Variants in ARMCX4 observed in about 807,000 individuals in gnomAD.
ARMCX4 encodes the protein armadillo repeat containing X-linked 4, also known as armadillo repeat-containing X-linked protein 4.
A neutral mutation model predicts 34.7 loss-of-function variants in ARMCX4; 3 were observed. The observed-to-expected ratio is 0.09, with a 90% CI of 0.04 to 0.22. ARMCX4 has a LOEUF of 0.22. Among genes scored for constraint, ARMCX4 ranks in the 10% least tolerant of loss-of-function variants. The probability of loss-of-function intolerance (pLI) is 1.00; values close to 1 mark genes in which losing one functional copy is unlikely to be tolerated. For synonymous variants in ARMCX4, 513 were observed against 632.8 expected, an observed-to-expected ratio of 0.81 and a Z score of 2.84; for missense variants, 1,448 against 1,720.8, an observed-to-expected ratio of 0.84 and a Z score of 2.81.
At position 101,528,672 on chromosome X, in the gene ARMCX4, A is replaced by T. The variant is rs782029797; in HGVS notation, c.*1781-2972A>T. 2.7e-5 allele frequency among the ~76,000 whole-genome samples: 3 copies of T among 111,660 alleles called. No homozygotes were observed. The Admixed American group carries it at 2.9e-4, about 11-fold the overall frequency. On this transcript the variant is annotated intron_variant and NMD_transcript_variant, in intron 11 of 12. Coordinates refer to the ARMCX4 transcript ENST00000354842. Reference sequence around the variant, plus strand: ...AAATCAATGTGCAAAAATCATAAGCATTCCTATACACCAATAACAGACAAA... The same window carrying T: ...AAATCAATGTGCAAAAATCATAAGCTTTCCTATACACCAATAACAGACAAA...
chrX:101,452,070 T>C (rs1242453331), downstream of ARMCX4, among the ~76,000 whole-genome samples: 2 of 112,283 alleles, frequency 1.8e-5, no homozygotes, highest in Non-Finnish European at 3.8e-5. Context: ...TCTTTTTCTT[T>C]TAGGAAAGGT....
intron 4 of ARMCX4, among the ~76,000 whole-genome samples, chrX:101,462,638 C>CA (rs34826497): frequency 0.11 from 4,435 of 40,374 alleles, 173 homozygotes; most frequent in South Asian, 0.34. Context: ...GACTCTGTCT[C>CA]AAAAAAAAAA....
chrX:101,497,733 TTAAA>T (rs1259988971), downstream of ARMCX4, among the ~76,000 whole-genome samples: 1 of 112,109 alleles, frequency 8.9e-6, no homozygotes, highest in Non-Finnish European at 1.9e-5. Context: ...ACTTAAAATT[TTAAA>T]TAAATATTAT....
In ARMCX4 at chrX:101,488,457, G is replaced by A. The variant is rs1332694070; in HGVS notation, c.-133G>A. On this transcript the variant is annotated 5_prime_UTR_variant, in exon 6 of 6. Transcript: ENST00000423738. Reference sequence around the variant, plus strand: ...CTCCACTTCTAGGTCCACCTCCAGAGGCAGCTGTAGTGGCCTTTGAGTGGC... The same window carrying A: ...CTCCACTTCTAGGTCCACCTCCAGAAGCAGCTGTAGTGGCCTTTGAGTGGC... 9.0e-7 allele frequency: 1 copy of A among 1,109,681 alleles called. No homozygotes were observed. The highest frequency in any genetic ancestry group is 3.3e-5 in the East Asian group (1 of 30,328). The allele number at this position is 1,109,681 out of a possible 1,213,427, so 91.5% of individuals were successfully genotyped here.
chrX:101,426,218 G>A (rs1490239127), intron 2 of ARMCX4, among the ~76,000 whole-genome samples: 1 of 111,285 alleles, frequency 9.0e-6, no homozygotes, highest in African/African-American at 3.3e-5. Flanking sequence ...CAGAGAGATG[G>A]GATAAATCAT....
intron 2 of ARMCX4, among the ~76,000 whole-genome samples, chrX:101,433,383 T>G (rs904326777): frequency 1.9e-4 from 21 of 109,943 alleles, no homozygotes; most frequent in Admixed American, 2.9e-4. Flanking sequence ...TGTACATATA[T>G]GTACATATAT....
At chrX:101,463,971 T>G (rs943189308) in intron 4 of ARMCX4, among the ~76,000 whole-genome samples, 1 of 110,417 alleles carries the variant, frequency 9.1e-6, no homozygotes, top group African/African-American at 3.3e-5. Flanking sequence ...TTGCCCCGGC[T>G]GGTCTCCAAC....
intron 2 of ARMCX4, among the ~76,000 whole-genome samples, chrX:101,421,060 G>A (rs375309083): frequency 8.6e-4 from 94 of 109,581 alleles, no homozygotes; most frequent in African/African-American, 2.9e-3. Context: ...AAAGTTAGCC[G>A]GGCATGGTGG....
In ARMCX4 at chrX:101,425,550, T is replaced by G. The variant is rs1929555615; in HGVS notation, n.164+6550T>G. On this transcript the variant is annotated intron_variant and non_coding_transcript_variant, in intron 2 of 3. Transcript: ENST00000430461. Reference sequence around the variant, plus strand: ...CTGGGATTACAGGCGCACACCACCATGCCCGACTAATTTTTTGTATTTTTA... The same window carrying G: ...CTGGGATTACAGGCGCACACCACCAGGCCCGACTAATTTTTTGTATTTTTA... 2.7e-5 allele frequency among the ~76,000 whole-genome samples: 3 copies of G among 109,210 alleles called. No homozygotes were observed. In the South Asian group the frequency reaches 1.2e-3, roughly 43 times the overall value. The allele number at this position is 109,210 out of a possible 115,157, so 94.8% of individuals were successfully genotyped here. A position where few individuals can be genotyped will look rare whatever the true frequency, so the allele number is the denominator to read the frequency against.
chrX:101,472,372 G>T (rs1408678020), intron 4 of ARMCX4, among the ~76,000 whole-genome samples: 41 of 52,857 alleles, frequency 7.8e-4, no homozygotes, highest in African/African-American at 1.0e-3. Flanking sequence ...AACCAAGTTG[G>T]AAAACACTCT....
In ARMCX4 at chrX:101,493,478, C is replaced by T. The variant is rs1367579628; in HGVS notation, c.4889C>T (p.Ser1630Phe). The change falls in exon 6 of 6, where the codon TCC becomes TTC. Residue 1630 changes from serine (S) to phenylalanine (F), a missense_variant. By Grantham distance (155) the Ser-to-Phe change is radical. This residue lies in a region of ARMCX4 where 1,343 missense variants were observed against 1,540.7 expected (regional missense o/e 0.87). Transcript: ENST00000423738. ...GCTAGGCCGGGGCCTGCAGACCAGT[C>T]CAGTGGTGGGTCCTGGGCTGGCACT... ...GGARPGPADQ[S>F]SGGSWAGTGN... is the part of the protein sequence containing the mutation. The T allele has an allele frequency of 1.7e-6, 2 of 1,155,057 alleles. No homozygotes were observed. The highest frequency in any genetic ancestry group is 2.3e-4 in the Middle Eastern group (1 of 4,291).
At position 101,519,924 on chromosome X, in the gene ARMCX4, G is replaced by A. The variant is rs370447725; in HGVS notation, c.*1780+8869G>A. Among the ~76,000 whole-genome samples, 91 of 111,039 alleles carry A rather than the reference G, an allele frequency of 8.2e-4. 1 individual carries two copies. The South Asian group carries it at 0.033, about 41-fold the overall frequency. On this transcript the variant is annotated intron_variant and NMD_transcript_variant, in intron 11 of 12. Transcript: ENST00000354842. ...TTGCATTTCCCTAATGATTAGTGAT[G>A]TTGAGCATTTTTTTATATACCTGTT...
chrX:101,526,315 C>T (rs942670785), intron 11 of ARMCX4, among the ~76,000 whole-genome samples: 1 of 111,846 alleles, frequency 8.9e-6, no homozygotes, highest in Admixed American at 9.5e-5. Flanking sequence ...GCCTGCCTTA[C>T]AAGAGCTCCT....
intron 7 of ARMCX4, among the ~76,000 whole-genome samples, chrX:101,501,056 A>G (rs957867818): frequency 8.9e-6 from 1 of 112,311 alleles, no homozygotes; most frequent in Non-Finnish European, 1.9e-5. Flanking sequence ...TCTCAAAGGG[A>G]AGGACAAATT....
intron 11 of ARMCX4, among the ~76,000 whole-genome samples, chrX:101,530,887 G>T (rs1023436366): frequency 1.8e-5 from 2 of 112,221 alleles, no homozygotes. Flanking sequence ...TGAGTAAATA[G>T]AAAATACTTT....
At position 101,491,713 on chromosome X, in the gene ARMCX4, C is replaced by G; in HGVS notation, c.3124C>G (p.Pro1042Ala). ...IVAGSQGETL[P>A]GARDKSMSTS... ...GGCCGGTTCCCAGGGTGAGACCTTG[C>G]CTGGGGCAAGGGACAAGTCTATGTC... Residue 1042 changes from proline (P) to alanine (A), a missense_variant, in exon 6 of 6, where the codon CCT (proline) becomes GCT (alanine). Coordinates refer to ENST00000423738, the MANE Select transcript of ARMCX4 (RefSeq NM_001256155.3). 4.3e-6 allele frequency: 5 copies of G among 1,156,410 alleles called. No individual in the cohort carries two copies. The highest frequency in any genetic ancestry group is 5.7e-6 in the Non-Finnish European group (5 of 872,903).
chrX:101,492,682 A>G lies in ARMCX4; in HGVS notation c.4093A>G (p.Arg1365Gly), dbSNP rs1556009940. 2 of 1,115,692 alleles carry G rather than the reference A, an allele frequency of 1.8e-6. No homozygotes were observed. Among genetic ancestry groups the G allele is most frequent in the Non-Finnish European group, 1.2e-6 (1 of 851,903 alleles). The allele number at this position is 1,115,692 out of a possible 1,213,427, so 91.9% of individuals were successfully genotyped here. ...DTADQASGGS[R>G]LGHVDQSSGG... The stretch of plus-strand genomic sequence containing the variant: ...TGCAGACCAAGCCAGTGGAGGGTCT[A>G]GGCTGGGCCACGTAGATCAGTCCAG... The change falls in exon 6 of 6, where the codon AGG (arginine) becomes GGG (glycine). Residue 1365 changes from arginine to glycine, a missense_variant. By Grantham distance (125) the Arg-to-Gly change is moderately radical. Transcript: ENST00000423738.
At chrX:101,462,504 G>A (rs1165154333) in intron 4 of ARMCX4, among the ~76,000 whole-genome samples, 1 of 108,835 alleles carries the variant, frequency 9.2e-6, no homozygotes, top group Non-Finnish European at 1.9e-5. Flanking sequence ...GCTGGGCGTG[G>A]TGATGCGTGC....
chrX:101,475,188 G>T (rs1324404777), intron 4 of ARMCX4, among the ~76,000 whole-genome samples: 2 of 110,042 alleles, frequency 1.8e-5, no homozygotes, highest in Non-Finnish European at 3.8e-5. Flanking sequence ...GGTGGTGCAT[G>T]CCTGTAGTCC....
Sources: allele counts gnomAD v4.1 joint callset (sites outside exome capture counted in the v4.1 genomes callset), GRCh38; gene constraint gnomAD v4.1.1; regional missense constraint gnomAD v4.1.1; transcripts MANE v1.5; gene names NCBI Gene and HGNC (gene_info 2026-07-23, HGNC 2026-07-21).